LRMDA: variants seen among roughly 807,000 people sequenced by gnomAD.
LRMDA encodes leucine rich melanocyte differentiation associated.
A neutral mutation model predicts 29.8 loss-of-function variants in LRMDA; 18 were observed. The observed-to-expected ratio is 0.60, with a 90% CI of 0.42 to 0.90. LRMDA has a LOEUF of 0.90. Ranked by LOEUF, LRMDA falls within the 40% of genes least tolerant of loss-of-function variation. The pLI, the probability that LRMDA is intolerant of heterozygous loss-of-function variation, is 0.00. For missense variants in LRMDA, 273 were observed against 273.9 expected (o/e 1.00, Z 0.02); for synonymous variants, 125 against 109.4 (o/e 1.14, Z -0.89).
At chr10:75,606,863 G>T (rs999549787) in intron 2 of LRMDA, among the ~76,000 whole-genome samples, 5 of 152,144 alleles carry the variant, frequency 3.3e-5, no homozygotes, top group African/African-American at 9.7e-5. Flanking sequence ...TATTGTATTA[G>T]CAACCTCTGG....
chr10:75,866,038 G>C (rs1405154615), intron 2 of LRMDA, among the ~76,000 whole-genome samples: 2 of 152,084 alleles, frequency 1.3e-5, no homozygotes, highest in African/African-American at 4.8e-5. Flanking sequence ...TTGTTCTTTA[G>C]TCTGGCGTTA....
chr10:76,457,400 G>GA (rs1237319771), intron 6 of LRMDA, among the ~76,000 whole-genome samples: 1 of 152,182 alleles, frequency 6.6e-6, no homozygotes, highest in Admixed American at 6.5e-5. Context: ...CGATGTGCAT[G>GA]TTTCCAGCTG....
chr10:76,009,002 G>C (rs757848202), intron 2 of LRMDA, among the ~76,000 whole-genome samples: 4 of 152,168 alleles, frequency 2.6e-5, no homozygotes, highest in Non-Finnish European at 5.9e-5. Flanking sequence ...ACTGCAGGGA[G>C]CAGAAGTGAT....
chr10:76,067,611 G>T (rs953809981), intron 5 of LRMDA, among the ~76,000 whole-genome samples: 3 of 152,178 alleles, frequency 2.0e-5, no homozygotes, highest in Non-Finnish European at 2.9e-5. Flanking sequence ...CTTCAGCTAT[G>T]GGTGCATGGG....
chr10:75,663,215 A>G (rs1044951405), intron 2 of LRMDA, among the ~76,000 whole-genome samples: 2 of 152,082 alleles, frequency 1.3e-5, no homozygotes, highest in Non-Finnish European at 1.5e-5. Context: ...GAAGACCCCT[A>G]TGTCTGCCAG....
At chr10:75,878,836 C>T (rs902620287) in intron 2 of LRMDA, among the ~76,000 whole-genome samples, 19 of 152,104 alleles carry the variant, frequency 1.2e-4, no homozygotes, top group African/African-American at 4.1e-4. Flanking sequence ...TGACCAGCCA[C>T]CTCTCAGAGC....
Position 75,672,150 on chromosome 10 carries a change from A to G in LRMDA, c.131+233656A>G. 1.3e-5 allele frequency among the ~76,000 whole-genome samples: 2 copies of G among 152,154 alleles called. 1 individual carries two copies. Among genetic ancestry groups the G allele is most frequent in the Non-Finnish European group, 2.9e-5 (2 of 68,028 alleles). On this transcript the variant is annotated intron_variant, in intron 2 of 6. Transcript: ENST00000611255. ...CACATGTCTAAGAAATAAATTCCAA[A>G]TGAGTGGGTTCTAACTTTGTTAGTG...
intron 6 of LRMDA, among the ~76,000 whole-genome samples, chr10:76,488,432 T>TA (rs1410225933): frequency 3.3e-5 from 5 of 150,904 alleles, no homozygotes; most frequent in Admixed American, 2.7e-4. Flanking sequence ...CAATATGTAC[T>TA]GTTTTTTCTG....
At chr10:75,687,897 A>G (rs1258875202) in intron 2 of LRMDA, among the ~76,000 whole-genome samples, 2 of 152,236 alleles carry the variant, frequency 1.3e-5, no homozygotes, top group South Asian at 2.1e-4. Flanking sequence ...CATGTGTTCT[A>G]TGAATGGAAC....
chr10:75,821,795 CAAAA>C (rs142834137), intron 2 of LRMDA, among the ~76,000 whole-genome samples: 12 of 150,894 alleles, frequency 8.0e-5, no homozygotes, highest in African/African-American at 2.4e-5. Context: ...AACAAACAAA[CAAAA>C]AAAACCCTTA....
intron 2 of LRMDA, among the ~76,000 whole-genome samples, chr10:75,802,965 TATA>T (rs2132263208): frequency 7.8e-6 from 1 of 127,922 alleles, no homozygotes; most frequent in African/African-American, 3.6e-5. Flanking sequence ...TATATATATA[TATA>T]TATATTTTTT....
At chr10:76,336,069 A>T (rs1176712376) in intron 6 of LRMDA, among the ~76,000 whole-genome samples, 1 of 152,194 alleles carries the variant, frequency 6.6e-6, no homozygotes, top group East Asian at 1.9e-4. Flanking sequence ...AAGGATGAGT[A>T]TTGTTTTGAA....
At chr10:76,443,417 A>G (rs551568646) in intron 6 of LRMDA, among the ~76,000 whole-genome samples, 1 of 152,320 alleles carries the variant, frequency 6.6e-6, no homozygotes, top group South Asian at 2.1e-4. Flanking sequence ...TCTAGAATTC[A>G]CAGTTTTAGT....
chr10:75,524,598 A>G (rs1169646298), intron 2 of LRMDA, among the ~76,000 whole-genome samples: 1 of 152,138 alleles, frequency 6.6e-6, no homozygotes, highest in Non-Finnish European at 1.5e-5. Flanking sequence ...AGAAGTTGGT[A>G]TAGATCACCC....
chr10:76,292,681 ACT>A lies in LRMDA; in HGVS notation c.517-31717_517-31716del, dbSNP rs1840356259. Among the ~76,000 whole-genome samples the A allele has an allele frequency of 2.0e-5, 3 of 151,776 alleles. No individual in the cohort carries two copies. In the South Asian group the frequency reaches 6.2e-4, roughly 32 times the overall value. On this transcript the variant is annotated intron_variant, in intron 5 of 6. Transcript: ENST00000611255. The stretch of plus-strand genomic sequence containing the variant: ...CAAGTCCCCATGATACTACTTTATG[ACT>A]CTTTATGCACACGCTTGTGTCGCTC...
At chr10:76,527,949 G>A (rs1226253630) in intron 6 of LRMDA, among the ~76,000 whole-genome samples, 3 of 152,056 alleles carry the variant, frequency 2.0e-5, no homozygotes, top group Admixed American at 2.0e-4. Context: ...GAAACATGTG[G>A]TAATGAACAC....
At chr10:75,857,742 G>A (rs1166281211) in intron 2 of LRMDA, among the ~76,000 whole-genome samples, 1 of 152,162 alleles carries the variant, frequency 6.6e-6, no homozygotes, top group Non-Finnish European at 1.5e-5. Flanking sequence ...TGTTTTTCTT[G>A]TTTATACAGA....
intron 2 of LRMDA, among the ~76,000 whole-genome samples, chr10:75,683,445 A>C (rs1842047807): frequency 6.6e-6 from 1 of 152,352 alleles, no homozygotes; most frequent in East Asian, 1.9e-4. Flanking sequence ...GGGCAGGATT[A>C]ATCATGGCTG....
chr10:75,579,175 C>T (rs1840552362), intron 2 of LRMDA, among the ~76,000 whole-genome samples: 1 of 152,064 alleles, frequency 6.6e-6, no homozygotes, highest in South Asian at 2.1e-4. Flanking sequence ...AGACCACTAG[C>T]TAGACTAATA....
Sources: gnomAD v4.1 joint callset for allele counts (sites outside exome capture counted in the v4.1 genomes callset) on GRCh38, gnomAD v4.1.1 for gene constraint, MANE v1.5 for transcripts, NCBI Gene and HGNC (gene_info 2026-07-23, HGNC 2026-07-21) for gene names.